VTI1A: variants seen among roughly 807,000 people sequenced by gnomAD.
The protein encoded by VTI1A is vesicle transport through interaction with t-SNAREs 1A, also known as vesicle transport through interaction with t-SNAREs homolog 1A.
VTI1A carries 22 observed loss-of-function variants against 34.9 expected under a neutral mutation model. That is an observed-to-expected ratio of 0.63 (90% CI 0.45 to 0.90). The LOEUF (loss-of-function observed/expected upper bound fraction) is 0.90. Among genes scored for constraint, VTI1A ranks in the 40% least tolerant of loss-of-function variants. The pLI, the probability that VTI1A is intolerant of heterozygous loss-of-function variation, is 0.00. For missense variants in VTI1A, 268 were observed against 275.6 expected (o/e 0.97, Z 0.20); for synonymous variants, 87 against 97.3 (o/e 0.89, Z 0.62).
intron 3 of VTI1A, among the ~76,000 whole-genome samples, chr10:112,502,024 CTTT>C (rs71489973): frequency 7.5e-5 from 9 of 119,324 alleles, no homozygotes; most frequent in Non-Finnish European, 6.9e-5. Flanking sequence ...AGAATCCTTA[CTTT>C]TTTTTTTTTT....
intron 3 of VTI1A, among the ~76,000 whole-genome samples, chr10:112,469,192 C>G (rs1052404736): frequency 1.3e-5 from 2 of 152,152 alleles, no homozygotes; most frequent in African/African-American, 4.8e-5. Context: ...CTGTTATGGC[C>G]TCTATGTTGT....
At chr10:112,486,763 A>G (rs1848651581) in intron 3 of VTI1A, among the ~76,000 whole-genome samples, 1 of 131,806 alleles carries the variant, frequency 7.6e-6, no homozygotes, top group Non-Finnish European at 1.6e-5. Flanking sequence ...TGTTGCCTAC[A>G]ATAACACACT....
intron 5 of VTI1A, among the ~76,000 whole-genome samples, chr10:112,597,693 C>CTT (rs1180451909): frequency 0.1 from 9,122 of 90,424 alleles, 1,029 homozygotes; most frequent in African/African-American, 0.15. Flanking sequence ...GACCTTGTCT[C>CTT]TTTTTTTTTT....
chr10:112,630,896 C>T (rs931163321), intron 5 of VTI1A, among the ~76,000 whole-genome samples: 25 of 151,952 alleles, frequency 1.6e-4, no homozygotes, highest in Admixed American at 4.6e-4. Flanking sequence ...CTGAGGGGGG[C>T]GGATCACCTG....
intron 5 of VTI1A, among the ~76,000 whole-genome samples, chr10:112,653,671 G>C (rs1313477203): frequency 6.6e-6 from 1 of 152,336 alleles, no homozygotes; most frequent in East Asian, 1.9e-4. Flanking sequence ...AGTATAAAAT[G>C]AAGCAGTCAA....
chr10:112,583,894 G>A (rs1278673002), intron 5 of VTI1A, among the ~76,000 whole-genome samples: 1 of 152,200 alleles, frequency 6.6e-6, no homozygotes, highest in Middle Eastern at 3.2e-3. Context: ...GACGAGTTAC[G>A]TTGGTGCACA....
At chr10:112,821,456 G>A (rs1220419293), downstream of VTI1A, among the ~76,000 whole-genome samples, 1 of 152,176 alleles carries the variant, frequency 6.6e-6, no homozygotes, top group African/African-American at 2.4e-5. Flanking sequence ...TTTTGCCAGG[G>A]TAAGCACCTA....
chr10:112,662,033 A>G (rs1323750880), intron 5 of VTI1A, among the ~76,000 whole-genome samples: 3 of 152,090 alleles, frequency 2.0e-5, no homozygotes, highest in Non-Finnish European at 4.4e-5. Context: ...TGGCCTCCCA[A>G]ACTGCTGGGA....
chr10:112,486,340 A>G (rs1201776159), intron 3 of VTI1A, among the ~76,000 whole-genome samples: 5 of 152,198 alleles, frequency 3.3e-5, no homozygotes, highest in Non-Finnish European at 7.3e-5. Flanking sequence ...CATTTGTAAA[A>G]TGGAAATAAT....
chr10:112,576,092 C>T (rs2134381907), intron 5 of VTI1A, among the ~76,000 whole-genome samples: 1 of 148,782 alleles, frequency 6.7e-6, no homozygotes, highest in South Asian at 2.1e-4. Flanking sequence ...GCTATCTCGG[C>T]TCACTGCAAG....
intron 4 of VTI1A, among the ~76,000 whole-genome samples, chr10:112,531,780 A>G: frequency 6.6e-6 from 1 of 152,208 alleles, no homozygotes; most frequent in East Asian, 1.9e-4. Context: ...TGGCCGATCA[A>G]TTCCCAGATC....
At chr10:112,771,847 T>A (rs547530395) in intron 7 of VTI1A, among the ~76,000 whole-genome samples, 33 of 152,370 alleles carry the variant, frequency 2.2e-4, no homozygotes, top group Non-Finnish European at 4.1e-4. Context: ...ATAATGTTTT[T>A]AAGGTTTATC....
chr10:112,697,310 C>G (rs1848824715), intron 7 of VTI1A, among the ~76,000 whole-genome samples: 1 of 151,812 alleles, frequency 6.6e-6, no homozygotes, highest in African/African-American at 2.4e-5. Flanking sequence ...TGTCTTGCCT[C>G]AGCCTCCCAA....
chr10:112,774,506 A>G (rs370942500), intron 7 of VTI1A, among the ~76,000 whole-genome samples: 1 of 152,208 alleles, frequency 6.6e-6, no homozygotes, highest in Admixed American at 6.5e-5. Context: ...ACCAGTCTCC[A>G]AGGGGAAAGC....
At chr10:112,849,341 G>C in the VTI1A span, among the ~76,000 whole-genome samples, 1 of 152,226 alleles carries the variant, frequency 6.6e-6, no homozygotes, top group African/African-American at 2.4e-5. Flanking sequence ...CCGCAGTGGG[G>C]CTCTCTCTGC....
chr10:112,754,073 G>A (rs1196915641), intron 7 of VTI1A, among the ~76,000 whole-genome samples: 1 of 152,210 alleles, frequency 6.6e-6, no homozygotes, highest in African/African-American at 2.4e-5. Context: ...CTGTCATTCT[G>A]TTCGGGACAT....
intron 7 of VTI1A, among the ~76,000 whole-genome samples, chr10:112,714,684 A>G (rs940655236): frequency 6.6e-6 from 1 of 152,242 alleles, no homozygotes; most frequent in African/African-American, 2.4e-5. Context: ...TAAAGTTGAC[A>G]TGAAGAAAAC....
intron 7 of VTI1A, among the ~76,000 whole-genome samples, chr10:112,743,427 T>C (rs1778308470): frequency 6.6e-6 from 1 of 152,230 alleles, no homozygotes; most frequent in African/African-American, 2.4e-5. Flanking sequence ...TTCCACTTTG[T>C]GGCTGGGGCT....
intron 7 of VTI1A, among the ~76,000 whole-genome samples, chr10:112,748,399 G>T (rs1026095825): frequency 2.0e-5 from 3 of 152,080 alleles, no homozygotes; most frequent in African/African-American, 7.2e-5. Context: ...TATTCGTACA[G>T]TTGGGGACTC....
Sources: gnomAD v4.1 joint callset for allele counts (sites outside exome capture counted in the v4.1 genomes callset) on GRCh38, gnomAD v4.1.1 for gene constraint, MANE v1.5 for transcripts, NCBI Gene and HGNC (gene_info 2026-07-23, HGNC 2026-07-21) for gene names.